The following BEND6 variants were observed in gnomAD, a reference collection of about 807,000 sequenced individuals.
BEND6 encodes BEN domain containing 6, also known as BEN domain-containing protein 6.
Under a neutral mutation model 31.8 loss-of-function variants are expected in BEND6, and 24 were observed. The ratio of observed to expected loss-of-function variants is 0.75; its 90% CI spans 0.55 to 1.06. BEND6 has a LOEUF of 1.06. Ranked by LOEUF, BEND6 falls within the 50% of genes least tolerant of loss-of-function variation. BEND6 has a pLI of 0.00. For missense variants in BEND6, 294 were observed against 327.4 expected (o/e 0.90, Z 0.79); for synonymous variants, 109 against 114.6 (o/e 0.95, Z 0.31).
chr6:57,017,132 C>T lies in BEND6; in HGVS notation c.520-75C>T, dbSNP rs1827590750. On this transcript the variant is annotated intron_variant, in intron 4 of 6. Coordinates refer to ENST00000370746, the MANE Select transcript of BEND6 (RefSeq NM_152731.3). ...ATGTTGACATTGTTTTCTTTTATGC[C>T]TTAACTCAATTAGTAACATATTTCT... 1.3e-5 allele frequency: 14 copies of T among 1,047,782 alleles called. No homozygotes were observed. In the South Asian group the frequency reaches 3.8e-4, roughly 29 times the overall value. The allele number at this position is 1,047,782 out of a possible 1,614,324, so 64.9% of individuals were successfully genotyped here.
intron 3 of BEND6, among the ~76,000 whole-genome samples, chr6:57,000,883 T>TG (rs1190205944): frequency 3.0e-3 from 256 of 84,104 alleles, no homozygotes; most frequent in African/African-American, 0.012. Context: ...ACACTTCCTC[T>TG]GAAAAAAAAA....
intron 1 of BEND6, among the ~76,000 whole-genome samples, chr6:56,970,014 A>G (rs1213620360): frequency 6.6e-6 from 1 of 152,290 alleles, no homozygotes; most frequent in Non-Finnish European, 1.5e-5. Flanking sequence ...TAAATGAAAT[A>G]AAATAGAGCA....
chr6:57,009,739 A>G (rs924192504), intron 3 of BEND6: 9 of 152,222 alleles, frequency 5.9e-5, no homozygotes, highest in African/African-American at 1.9e-4. Context: ...TTGAGCATGA[A>G]TAAGAATGAC....
At chr6:56,956,858 C>T (rs566564269) in intron 1 of BEND6, among the ~76,000 whole-genome samples, 5 of 152,202 alleles carry the variant, frequency 3.3e-5, no homozygotes, top group Non-Finnish European at 5.9e-5. Context: ...ATGTGTGGCA[C>T]ATCAGGAAAG....
chr6:56,970,387 C>T (rs1213786572), intron 1 of BEND6, among the ~76,000 whole-genome samples: 3 of 152,050 alleles, frequency 2.0e-5, no homozygotes, highest in Non-Finnish European at 4.4e-5. Flanking sequence ...GTTGGCCAGG[C>T]TTGTCACAAA....
At position 56,981,770 on chromosome 6, in the gene BEND6, C is replaced by G. The variant is rs1826078764; in HGVS notation, c.-41C>G. The G allele has an allele frequency of 1.2e-6, 2 of 1,606,028 alleles. No individual in the cohort carries two copies. Among genetic ancestry groups the G allele is most frequent in the Admixed American group, 1.7e-5 (1 of 59,432 alleles). On this transcript the variant is annotated 5_prime_UTR_variant, in exon 2 of 7. The change creates a premature stop within an existing upstream ORF in the 5' untranslated region. Coordinates refer to ENST00000370746, the MANE Select transcript of BEND6 (RefSeq NM_152731.3). ...GCATCATCTTCATGGGTATTCCCTA[C>G]TCCTAGGATTTCAGAAAACCTTTGA...
intron 3 of BEND6, among the ~76,000 whole-genome samples, chr6:57,011,909 T>G (rs762988896): frequency 8.6e-5 from 13 of 151,678 alleles, no homozygotes; most frequent in Admixed American, 6.6e-4. Flanking sequence ...GCAGATCACG[T>G]GAGGTGAGGA....
rs766924010 is a variant in BEND6, at chr6:57,014,440, A to G, written c.299-693A>G. 4.9e-6 allele frequency: 7 copies of G among 1,419,996 alleles called. No individual in the cohort carries two copies. The South Asian group carries it at 9.9e-5, about 20-fold the overall frequency. 88.0% of individuals were successfully genotyped at this position (1,419,996 alleles called of 1,614,324 possible). A position where few individuals can be genotyped will look rare whatever the true frequency, so the allele number is the denominator to read the frequency against. On this transcript the variant is annotated intron_variant, in intron 3 of 6. Coordinates refer to ENST00000370746, the MANE Select transcript of BEND6 (RefSeq NM_152731.3). ...AGGTTCAAGATCTCTTCCAACTCCA[A>G]CAACATGTTATTTGTCCTTAGGAAA...
intron 1 of BEND6, among the ~76,000 whole-genome samples, chr6:56,963,094 T>C (rs1825345053): frequency 6.6e-6 from 1 of 152,210 alleles, no homozygotes; most frequent in Non-Finnish European, 1.5e-5. Context: ...ATCAAAATTC[T>C]TCAGCACTTC....
intron 2 of BEND6, among the ~76,000 whole-genome samples, chr6:56,989,618 T>G (rs1826416957): frequency 6.6e-6 from 1 of 152,230 alleles, no homozygotes; most frequent in Non-Finnish European, 1.5e-5. Flanking sequence ...TCTATGCTTT[T>G]GTCAAGCCCA....
intron 4 of BEND6, among the ~76,000 whole-genome samples, chr6:57,016,985 C>A (rs1207026219): frequency 6.6e-6 from 1 of 151,962 alleles, no homozygotes; most frequent in Non-Finnish European, 1.5e-5. Flanking sequence ...ACAAATACCT[C>A]ATAAATATTG....
intron 1 of BEND6, among the ~76,000 whole-genome samples, chr6:56,958,444 G>A (rs1825170987): frequency 6.6e-6 from 1 of 152,178 alleles, no homozygotes. Flanking sequence ...GGGAGGAACT[G>A]AAGATAACTC....
chr6:57,015,992 C>T (rs1343130572), intron 4 of BEND6, among the ~76,000 whole-genome samples: 1 of 151,802 alleles, frequency 6.6e-6, no homozygotes, highest in Non-Finnish European at 1.5e-5. Flanking sequence ...AAACAAATAC[C>T]CAGTTTAGAA....
At chr6:56,999,244 A>C (rs1317787382) in intron 3 of BEND6, among the ~76,000 whole-genome samples, 2 of 152,080 alleles carry the variant, frequency 1.3e-5, no homozygotes, top group African/African-American at 4.8e-5. Flanking sequence ...CTTTCTGTAC[A>C]GAGATTCATG....
intron 2 of BEND6, among the ~76,000 whole-genome samples, chr6:56,985,539 T>A (rs1238829684): frequency 6.6e-6 from 1 of 152,148 alleles, no homozygotes; most frequent in Non-Finnish European, 1.5e-5. Context: ...AAGGCATGCT[T>A]GTTCTTTTAA....
chr6:56,968,322 T>C (rs1825562443), intron 1 of BEND6, among the ~76,000 whole-genome samples: 1 of 122,804 alleles, frequency 8.1e-6, no homozygotes, highest in Non-Finnish European at 1.7e-5. Flanking sequence ...CTTTTTTTTT[T>C]TTTTTTTTTT....
At chr6:57,010,033 C>G (rs1827292154) in intron 3 of BEND6, 1 of 152,130 alleles carries the variant, frequency 6.6e-6, no homozygotes, top group Admixed American at 6.6e-5. Flanking sequence ...GCCATTGTGA[C>G]ATAATGAATC....
chr6:56,989,608 TC>T (rs35858100), intron 2 of BEND6, among the ~76,000 whole-genome samples: 19,540 of 152,262 alleles, frequency 0.13, 1,466 homozygotes, highest in Middle Eastern at 0.2. Context: ...CTACATCTAC[TC>T]TATGCTTTTG....
In BEND6 at chr6:56,955,207, TC is replaced by T. The variant is rs1824605126; in HGVS notation, c.-351del. 1 of 151,380 alleles carries T rather than the reference TC, an allele frequency of 6.6e-6. No individual in the cohort carries two copies. Among genetic ancestry groups the T allele is most frequent in the Non-Finnish European group, 1.5e-5 (1 of 67,806 alleles). The allele number at this position is 151,380 out of a possible 1,614,324, so 9.4% of individuals were successfully genotyped here. On this transcript the variant is annotated 5_prime_UTR_variant, in exon 1 of 7. Transcript: ENST00000370746. ...ACCCGGGCCTGAGAGCCCAGCGCCCTCCCGCGGGGCCGCCCGCCAGTCCGCG... is the reference window on the plus strand; with the variant it reads ...ACCCGGGCCTGAGAGCCCAGCGCCCTCCGCGGGGCCGCCCGCCAGTCCGCG...
Sources: gnomAD v4.1 joint callset for allele counts (sites outside exome capture counted in the v4.1 genomes callset) on GRCh38, gnomAD v4.1.1 for gene constraint, MANE v1.5 for transcripts, NCBI Gene and HGNC (gene_info 2026-07-23, HGNC 2026-07-21) for gene names.